The following KCNG2 variants were observed in gnomAD, a reference collection of about 807,000 sequenced individuals.
KCNG2 encodes the protein potassium voltage-gated channel modifier subfamily G member 2.
In KCNG2, 7 loss-of-function variants were observed where a neutral mutation model predicts 12.3. That is an observed-to-expected ratio of 0.57 (90% CI 0.32 to 1.07). The LOEUF is 1.07. Among genes scored for constraint, KCNG2 ranks in the 50% least tolerant of loss-of-function variants. The pLI, the probability that KCNG2 is intolerant of heterozygous loss-of-function variation, is 0.04. For synonymous variants in KCNG2, 414 were observed against 351.4 expected, an observed-to-expected ratio of 1.18 and a Z score of -1.99; for missense variants, 703 against 726.0, an observed-to-expected ratio of 0.97 and a Z score of 0.36.
intron 3 of KCNG2, among the ~76,000 whole-genome samples, chr18:79,892,109 C>T (rs1250913660): frequency 2.5e-5 from 3 of 120,610 alleles, no homozygotes; most frequent in Admixed American, 8.6e-5. Context: ...AGCAAGACTC[C>T]GTCTAAAAAA....
intron 1 of KCNG2, among the ~76,000 whole-genome samples, chr18:79,817,441 G>A (rs2087538307): frequency 6.6e-6 from 1 of 152,220 alleles, no homozygotes; most frequent in Non-Finnish European, 1.5e-5. Context: ...TCACATGGCT[G>A]TCACATGGTT....
chr18:79,869,480 A>G (rs2123086217), intron 3 of KCNG2, among the ~76,000 whole-genome samples: 1 of 152,038 alleles, frequency 6.6e-6, no homozygotes, highest in Non-Finnish European at 1.5e-5. Flanking sequence ...CCCACAGGGG[A>G]CGCACTGGCC....
At chr18:79,873,678 C>T (rs985328204) in intron 3 of KCNG2, among the ~76,000 whole-genome samples, 7 of 152,144 alleles carry the variant, frequency 4.6e-5, no homozygotes, top group Non-Finnish European at 8.8e-5. Context: ...AGTGTCTGTT[C>T]GCGGCATCTG....
intron 1 of KCNG2, among the ~76,000 whole-genome samples, chr18:79,798,697 G>A (rs1229133382): frequency 1.3e-5 from 2 of 152,206 alleles, no homozygotes; most frequent in African/African-American, 4.8e-5. Flanking sequence ...CATGCGCCCC[G>A]TCCTCCGGCC....
chr18:79,867,983 C>CTGCA (rs1358604630), intron 3 of KCNG2, among the ~76,000 whole-genome samples: 1 of 152,218 alleles, frequency 6.6e-6, no homozygotes, highest in East Asian at 1.9e-4. Flanking sequence ...CGGCTGCTGC[C>CTGCA]TGCAGTCTGG....
chr18:79,841,296 T>TAATA (rs924023742), intron 1 of KCNG2, among the ~76,000 whole-genome samples: 74 of 152,060 alleles, frequency 4.9e-4, no homozygotes, highest in East Asian at 4.2e-3. Flanking sequence ...CCCTATCTCA[T>TAATA]AATAAATAAA....
In KCNG2 at chr18:79,899,894, G is replaced by A; in HGVS notation, c.*78G>A. On this transcript the variant is annotated 3_prime_UTR_variant, in exon 4 of 4. Coordinates refer to ENST00000316249, the MANE Select transcript of KCNG2 (RefSeq NM_012283.2). ...GACCCCCGAGGTGCGCCAAGGGGTG[G>A]GGGGCGTCTGGCCTGGGGGAGCGGC... 8.1e-7 allele frequency: 1 copy of A among 1,237,746 alleles called. No individual in the cohort carries two copies. The highest frequency in any genetic ancestry group is 2.6e-5 in the South Asian group (1 of 38,746). The allele number at this position is 1,237,746 out of a possible 1,614,324, so 76.7% of individuals were successfully genotyped here. A position where few individuals can be genotyped will look rare whatever the true frequency, so the allele number is the denominator to read the frequency against.
At chr18:79,823,995 TC>T (rs2087592499) in intron 1 of KCNG2, among the ~76,000 whole-genome samples, 1 of 152,236 alleles carries the variant, frequency 6.6e-6, no homozygotes, top group African/African-American at 2.4e-5. Context: ...ATGGACTTTT[TC>T]TTTCATCAAT....
chr18:79,810,879 C>T (rs964850223), intron 1 of KCNG2, among the ~76,000 whole-genome samples: 1 of 152,134 alleles, frequency 6.6e-6, no homozygotes, highest in African/African-American at 2.4e-5. Context: ...TTCTCAAAAA[C>T]AAAAACAAAC....
intron 1 of KCNG2, among the ~76,000 whole-genome samples, chr18:79,810,639 C>T (rs1367014536): frequency 2.6e-5 from 4 of 152,166 alleles, no homozygotes; most frequent in Non-Finnish European, 5.9e-5. Context: ...TGGCACAGGC[C>T]TGTAGTTGCA....
chr18:79,863,531 G>A, intron 2 of KCNG2, 97 bp from the exon 3 acceptor site: 3 of 997,510 alleles, frequency 3.0e-6, no homozygotes, highest in Non-Finnish European at 2.5e-6. Flanking sequence ...GCTCACCTCC[G>A]AGGGTTCGGT....
chr18:79,853,568 AGC>A (rs1978900486), intron 1 of KCNG2, among the ~76,000 whole-genome samples: 1 of 152,142 alleles, frequency 6.6e-6, no homozygotes, highest in Non-Finnish European at 1.5e-5. Context: ...CTGATCGCTG[AGC>A]TGGGAACAGA....
In KCNG2 at chr18:79,883,909, C is replaced by T. The variant is rs1016550195; in HGVS notation, c.625-15131C>T. ...GCCATTTAGCACAGACTTGCACCGG[C>T]GTCCCCACCGGCACGTCCACGAGGG... On this transcript the variant is annotated intron_variant, in intron 3 of 3. Coordinates refer to ENST00000316249, the MANE Select transcript of KCNG2 (RefSeq NM_012283.2). Among the ~76,000 whole-genome samples the T allele has an allele frequency of 2.6e-5, 4 of 152,094 alleles. No individual in the cohort carries two copies. In the South Asian group the frequency reaches 6.2e-4, roughly 24 times the overall value.
intron 3 of KCNG2, among the ~76,000 whole-genome samples, chr18:79,888,919 T>C (rs2123122539): frequency 6.6e-6 from 1 of 152,280 alleles, no homozygotes; most frequent in Admixed American, 6.5e-5. Context: ...CCTCAAATGA[T>C]CTGCCCACCT....
intron 1 of KCNG2, among the ~76,000 whole-genome samples, chr18:79,817,244 C>T (rs2087536451): frequency 6.6e-6 from 1 of 151,682 alleles, no homozygotes; most frequent in African/African-American, 2.4e-5. Flanking sequence ...ACACCTGCCA[C>T]ATGGATGTTA....
intron 1 of KCNG2, among the ~76,000 whole-genome samples, chr18:79,854,965 T>C (rs953743823): frequency 6.6e-6 from 1 of 152,252 alleles, no homozygotes; most frequent in Non-Finnish European, 1.5e-5. Flanking sequence ...CGGTCAATCT[T>C]GTCTACCGAC....
At chr18:79,828,871 TG>T (rs1164659385) in intron 1 of KCNG2, among the ~76,000 whole-genome samples, 8 of 137,486 alleles carry the variant, frequency 5.8e-5, no homozygotes, top group African/African-American at 2.4e-4. Flanking sequence ...TGGGTGTCTA[TG>T]TGTGCGTGTA....
intron 3 of KCNG2, among the ~76,000 whole-genome samples, chr18:79,885,747 T>G (rs1980502005): frequency 6.6e-6 from 1 of 151,392 alleles, no homozygotes; most frequent in African/African-American, 2.4e-5. Context: ...ACGAGGGAGA[T>G]GCCTGTGGGG....
chr18:79,868,981 C>T (rs1043634687), intron 3 of KCNG2, among the ~76,000 whole-genome samples: 13 of 152,190 alleles, frequency 8.5e-5, no homozygotes, highest in African/African-American at 1.7e-4. Flanking sequence ...GGGATGTGTG[C>T]GGGAGGCTGA....
Sources: allele counts gnomAD v4.1 joint callset (sites outside exome capture counted in the v4.1 genomes callset), GRCh38; gene constraint gnomAD v4.1.1; transcripts MANE v1.5; gene names NCBI Gene and HGNC (gene_info 2026-07-23, HGNC 2026-07-21).